Variants in THSD7A observed in about 807,000 individuals in gnomAD.
THSD7A encodes the protein thrombospondin type-1 domain-containing protein 7A.
Under a neutral mutation model 231.3 loss-of-function variants are expected in THSD7A, and 96 were observed. The ratio of observed to expected loss-of-function variants is 0.41; its 90% CI spans 0.35 to 0.49. The LOEUF (loss-of-function observed/expected upper bound fraction) is 0.49, where lower values mean the gene tolerates loss of function less well. Among genes scored for constraint, THSD7A ranks in the 20% least tolerant of loss-of-function variants. THSD7A has a pLI of 0.05. For synonymous variants in THSD7A, 940 were observed against 743.3 expected (o/e 1.26, Z -4.30); for missense variants, 2,290 against 2,070.2 (o/e 1.11, Z -2.06).
chr7:11,532,550 C>T (rs1788751976), intron 6 of THSD7A, among the ~76,000 whole-genome samples: 1 of 152,022 alleles, frequency 6.6e-6, no homozygotes, highest in Non-Finnish European at 1.5e-5. Context: ...TATTTTCCTA[C>T]CCATTGAATC....
At chr7:11,566,137 T>A (rs918159068) in intron 4 of THSD7A, among the ~76,000 whole-genome samples, 6 of 151,678 alleles carry the variant, frequency 4.0e-5, no homozygotes, top group African/African-American at 1.5e-4. Context: ...TTGCTGAGTG[T>A]CAACATTGCC....
At chr7:11,776,934 C>G (rs1213946977) in intron 1 of THSD7A, among the ~76,000 whole-genome samples, 2 of 152,078 alleles carry the variant, frequency 1.3e-5, no homozygotes, top group African/African-American at 2.4e-5. Flanking sequence ...TGAAACATTG[C>G]TGTAGATTTT....
At chr7:11,824,996 T>C (rs941767553) in intron 1 of THSD7A, among the ~76,000 whole-genome samples, 2 of 152,164 alleles carry the variant, frequency 1.3e-5, no homozygotes, top group African/African-American at 4.8e-5. Flanking sequence ...TGGTAAGTGC[T>C]GTCTACACAT....
intron 6 of THSD7A, among the ~76,000 whole-genome samples, chr7:11,484,993 C>A (rs960830306): frequency 6.9e-6 from 1 of 144,932 alleles, no homozygotes; most frequent in Non-Finnish European, 1.5e-5. Flanking sequence ...CAGGGTCAAG[C>A]GATTCTCCTG....
chr7:11,466,803 T>C (rs1785725423), intron 9 of THSD7A, among the ~76,000 whole-genome samples: 1 of 151,948 alleles, frequency 6.6e-6, no homozygotes, highest in South Asian at 2.1e-4. Flanking sequence ...GCCACCACCA[T>C]CTCAGGAACA....
chr7:11,499,777 TTAA>T (rs1787256255), intron 6 of THSD7A, among the ~76,000 whole-genome samples: 1 of 152,026 alleles, frequency 6.6e-6, no homozygotes, highest in Non-Finnish European at 1.5e-5. Context: ...AGAACAACTA[TTAA>T]AAAGGGATAA....
intron 2 of THSD7A, among the ~76,000 whole-genome samples, chr7:11,598,034 C>T (rs10272167): frequency 0.095 from 14,486 of 152,178 alleles, 1,094 homozygotes; most frequent in East Asian, 0.22. Flanking sequence ...TGGACAGCTG[C>T]AGCACTAAGC....
chr7:11,801,692 G>A (rs1283782138), intron 1 of THSD7A, among the ~76,000 whole-genome samples: 1 of 152,168 alleles, frequency 6.6e-6, no homozygotes, highest in African/African-American at 2.4e-5. Flanking sequence ...TTGTTTAGAT[G>A]TGGAAAATGA....
intron 1 of THSD7A, among the ~76,000 whole-genome samples, chr7:11,774,963 G>A (rs569573103): frequency 8.5e-5 from 13 of 152,246 alleles, no homozygotes; most frequent in African/African-American, 2.6e-4. Context: ...GCTGAGGCAC[G>A]ATAATCTCTT....
At chr7:11,803,752 G>A (rs1784336351) in intron 1 of THSD7A, among the ~76,000 whole-genome samples, 1 of 152,072 alleles carries the variant, frequency 6.6e-6, no homozygotes, top group South Asian at 2.1e-4. Context: ...ATCACCTGAT[G>A]AGCTTTTAGA....
intron 4 of THSD7A, among the ~76,000 whole-genome samples, chr7:11,555,137 T>C (rs1161662253): frequency 6.6e-6 from 1 of 151,944 alleles, no homozygotes; most frequent in Non-Finnish European, 1.5e-5. Flanking sequence ...CTTCTTGCTT[T>C]CAACTCATTT....
intron 6 of THSD7A, among the ~76,000 whole-genome samples, chr7:11,509,960 T>C (rs943539838): frequency 6.6e-6 from 1 of 152,030 alleles, no homozygotes; most frequent in South Asian, 2.1e-4. Context: ...GCTATGCTAA[T>C]TACTCTGATT....
chr7:11,693,528 T>C (rs1319883657), intron 1 of THSD7A, among the ~76,000 whole-genome samples: 2 of 151,692 alleles, frequency 1.3e-5, no homozygotes, highest in African/African-American at 4.8e-5. Flanking sequence ...TTTAGGTTAG[T>C]TGTTGAGGTA....
intron 1 of THSD7A, among the ~76,000 whole-genome samples, chr7:11,700,242 T>C (rs976509628): frequency 6.6e-6 from 1 of 151,102 alleles, no homozygotes; most frequent in East Asian, 2.0e-4. Flanking sequence ...GGCTTCCAAC[T>C]CAGGGGATAA....
chr7:11,786,521 A>C (rs968150169), intron 1 of THSD7A, among the ~76,000 whole-genome samples: 6 of 152,036 alleles, frequency 3.9e-5, no homozygotes, highest in Non-Finnish European at 5.9e-5. Context: ...AAAGGTATGA[A>C]AGCATTAGAG....
At position 11,531,808 on chromosome 7, in the gene THSD7A, T is replaced by C. The variant is rs945087014; in HGVS notation, c.1822+9611A>G. 4.6e-5 allele frequency among the ~76,000 whole-genome samples: 7 copies of C among 152,164 alleles called. No individual in the cohort carries two copies. In the South Asian group the frequency reaches 1.5e-3, roughly 32 times the overall value. On this transcript the variant is annotated intron_variant, in intron 6 of 27. Transcript: ENST00000423059. ...GCTGGCACTTCCGGGTATAGCTCTA[T>C]AGCAGAGCGTTGAAATGAAATATTA...
chr7:11,497,142 G>A (rs1012765744), intron 6 of THSD7A, among the ~76,000 whole-genome samples: 1 of 152,158 alleles, frequency 6.6e-6, no homozygotes, highest in African/African-American at 2.4e-5. Flanking sequence ...GGAAGCAGAA[G>A]AATGAGAGCT....
At chr7:11,543,377 A>G (rs1789236223) in intron 4 of THSD7A, among the ~76,000 whole-genome samples, 1 of 152,206 alleles carries the variant, frequency 6.6e-6, no homozygotes, top group Non-Finnish European at 1.5e-5. Flanking sequence ...TGGTCATGCA[A>G]TTAATAATGC....
chr7:11,655,319 T>C (rs1782663586), intron 1 of THSD7A, among the ~76,000 whole-genome samples: 1 of 151,866 alleles, frequency 6.6e-6, no homozygotes, highest in South Asian at 2.1e-4. Context: ...CTGAAAGATG[T>C]TTTTTCAGGC....
Sources: gnomAD v4.1 joint callset for allele counts (sites outside exome capture counted in the v4.1 genomes callset) on GRCh38, gnomAD v4.1.1 for gene constraint, MANE v1.5 for transcripts, NCBI Gene and HGNC (gene_info 2026-07-23, HGNC 2026-07-21) for gene names.